The following CENATAC variants were observed in gnomAD, a reference collection of about 807,000 sequenced individuals.
The protein encoded by CENATAC is coiled-coil domain containing 84.
Under a neutral mutation model 53.7 loss-of-function variants are expected in CENATAC, and 53 were observed. The ratio of observed to expected loss-of-function variants is 0.99; its 90% confidence interval spans 0.79 to 1.24. The LOEUF (loss-of-function observed/expected upper bound fraction) is 1.24, where lower values mean the gene tolerates loss of function less well. Ranked by LOEUF, CENATAC falls within the 50% of genes most tolerant of loss-of-function variation. CENATAC has a pLI of 0.00. For missense variants in CENATAC, 474 were observed against 417.8 expected, an observed-to-expected ratio of 1.13 and a Z score of -1.17; for synonymous variants, 156 against 144.6, an observed-to-expected ratio of 1.08 and a Z score of -0.57.
intron 8 of CENATAC, among the ~76,000 whole-genome samples, chr11:119,013,789 G>A (rs1592080430): frequency 6.6e-6 from 1 of 151,266 alleles, no homozygotes; most frequent in East Asian, 1.9e-4. Flanking sequence ...AATAAAGTTG[G>A]CCAAGATAAA....
rs140256077 is a variant in CENATAC, at chr11:119,008,451, T to C, written c.384-2313T>C. On this transcript the variant is annotated intron_variant, in intron 3 of 10. Coordinates refer to ENST00000334418, the MANE Select transcript of CENATAC (RefSeq NM_198489.3). ...CACGTAGGCCAGACTTATGTTTCTC[T>C]CCACCCAAACATCTCAGTGGAGTAA... Among the ~76,000 whole-genome samples the C allele has an allele frequency of 8.9e-3, 1,362 of 152,316 alleles. 23 individuals carry two copies. Among genetic ancestry groups the C allele is most frequent in the African/African-American group, 0.031 (1,280 of 41,564 alleles).
chr11:119,009,520 AGT>A (rs1942769475), intron 3 of CENATAC: 1 of 152,126 alleles, frequency 6.6e-6, no homozygotes, highest in Non-Finnish European at 1.5e-5. Flanking sequence ...AGAACCTGGG[AGT>A]TGATGAGAAA....
At chr11:119,010,543 ATTTTG>A (rs1942818976) in intron 3 of CENATAC, 3 of 535,592 alleles carry the variant, frequency 5.6e-6, no homozygotes, top group South Asian at 3.1e-5. Flanking sequence ...GTCTAAACCT[ATTTTG>A]TTTTGGCAAA....
chr11:119,014,931 G>C (rs1347481231), intron 8 of CENATAC, 63 bp from the exon 9 acceptor site: 14 of 1,098,432 alleles, frequency 1.3e-5, no homozygotes, highest in Non-Finnish European at 1.7e-5. Context: ...TAACAGCTAG[G>C]ACATGTTTCA....
chr11:119,015,720 A>C lies in CENATAC; in HGVS notation c.*122A>C. ...ACAGACATACTCATTCATTTGATTT[A>C]ATAAAGTTTTATTTTTCCAAATGTA... On this transcript the variant is annotated 3_prime_UTR_variant, in exon 11 of 11. Coordinates refer to ENST00000334418, the MANE Select transcript of CENATAC (RefSeq NM_198489.3). The C allele has an allele frequency of 7.7e-7, 1 of 1,298,672 alleles. No individual in the cohort carries two copies. Among genetic ancestry groups the C allele is most frequent in the South Asian group, 1.3e-5 (1 of 78,738 alleles). 80.4% of individuals were successfully genotyped at this position (1,298,672 alleles called of 1,614,324 possible).
intron 7 of CENATAC, 133 bp downstream of exon 7, chr11:119,012,387 T>A: frequency 1.0e-6 from 1 of 966,270 alleles, no homozygotes; most frequent in Non-Finnish European, 1.5e-6. Context: ...CACTGTTCCC[T>A]AGTAGTGTTC....
intron 9 of CENATAC, 40 bp from the exon 10 acceptor site, chr11:119,015,267 T>C: frequency 1.3e-6 from 2 of 1,569,092 alleles, no homozygotes; most frequent in South Asian, 1.2e-5. Context: ...CTCTATATTC[T>C]TCAATAAAGA....
intron 2 of CENATAC, among the ~76,000 whole-genome samples, 180 bp from the exon 3 acceptor site, chr11:118,998,831 T>G (rs1212490693): frequency 1.3e-5 from 2 of 152,096 alleles, no homozygotes; most frequent in Non-Finnish European, 2.9e-5. Flanking sequence ...TCCCCTCAGA[T>G]TCTCACAATT....
intron 8 of CENATAC, chr11:119,014,516 CG>C (rs1369427139): frequency 1.3e-5 from 2 of 152,182 alleles, no homozygotes; most frequent in African/African-American, 4.8e-5. Flanking sequence ...ACCTGGGAGG[CG>C]GAGGTTGCAG....
intron 5 of CENATAC, 116 bp from the exon 6 acceptor site, chr11:119,011,823 C>G (rs2134566005): frequency 4.7e-6 from 4 of 846,408 alleles, no homozygotes; most frequent in South Asian, 4.4e-5. Flanking sequence ...TGGGCAGTAC[C>G]TTCCATATGC....
Position 119,015,095 on chromosome 11 carries a change from AATTC to A in CENATAC, c.805+14_805+17del, listed in dbSNP as rs782509200. On this transcript the variant is annotated intron_variant, in intron 9 of 10. Transcript: ENST00000334418. ...ATTTCTTAAAGAAAGTAAGTAAACT[AATTC>A]AAGAGAGGATCGTCTAAATCTTCAC... The A allele has an allele frequency of 2.5e-6, 4 of 1,582,522 alleles. No individual in the cohort carries two copies. The highest frequency in any genetic ancestry group is 1.7e-4 in the Middle Eastern group (1 of 5,958).
At position 118,998,451 on chromosome 11, in the gene CENATAC, A is replaced by C; in HGVS notation, c.142A>C (p.Ile48Leu). The change falls in exon 2 of 11, where the codon ATC becomes CTC. Residue 48 changes from isoleucine to leucine, a missense_variant. Coordinates refer to ENST00000334418, the MANE Select transcript of CENATAC (RefSeq NM_198489.3). ...GCAGGTGGAGGCGGCCCGCAAGGCC[A>C]TCCGCGCCGCTCAGGTGGAGCGCTA... ...LPQVEAARKA[I>L]RAAQVERYVP... The C allele has an allele frequency of 6.2e-7, 1 of 1,612,602 alleles. No individual in the cohort carries two copies. The highest frequency in any genetic ancestry group is 8.5e-7 in the Non-Finnish European group (1 of 1,179,818).
intron 2 of CENATAC, 36 bp from the exon 3 acceptor site, chr11:118,998,975 T>A: frequency 6.9e-7 from 1 of 1,459,428 alleles, no homozygotes; most frequent in Non-Finnish European, 9.6e-7. Flanking sequence ...TATTTTATAA[T>A]CTATAGCTGA....
chr11:119,005,073 GA>G (rs11403557), intron 3 of CENATAC, among the ~76,000 whole-genome samples: 1 of 149,554 alleles, frequency 6.7e-6, no homozygotes, highest in African/African-American at 2.5e-5. Context: ...AAAACAGCAA[GA>G]AAAAAAAAGC....
rs188845373 is a variant in CENATAC at position 119,002,170 on chromosome 11, G to A, written c.383+3061G>A. Among the ~76,000 whole-genome samples, 115 of 139,062 alleles carry A rather than the reference G, an allele frequency of 8.3e-4. 1 individual carries two copies. The highest frequency in any genetic ancestry group is 2.8e-3 in the African/African-American group (103 of 36,928). The allele number at this position is 139,062 out of a possible 152,430, so 91.2% of individuals were successfully genotyped here. A position where few individuals can be genotyped will look rare whatever the true frequency, so the allele number is the denominator to read the frequency against. On this transcript the variant is annotated intron_variant, in intron 3 of 10. Coordinates refer to ENST00000334418, the MANE Select transcript of CENATAC (RefSeq NM_198489.3). ...GCCCAGGAGGCAGAGATTGTACTGAGCCAAGATCATGCCATTGCACTGCAG... is the reference window on the plus strand; with the variant it reads ...GCCCAGGAGGCAGAGATTGTACTGAACCAAGATCATGCCATTGCACTGCAG...
At chr11:119,001,601 C>A (rs1212989823) in intron 3 of CENATAC, 7 of 453,044 alleles carry the variant, frequency 1.5e-5, no homozygotes, top group Non-Finnish European at 2.7e-5. Flanking sequence ...TTAATTTTTT[C>A]CATATTTCTA....
intron 3 of CENATAC, among the ~76,000 whole-genome samples, chr11:119,008,145 C>T (rs1017492493): frequency 2.0e-5 from 3 of 151,438 alleles, no homozygotes; most frequent in African/African-American, 4.8e-5. Context: ...TATTTCTAGT[C>T]GGGTGGGATG....
At chr11:119,014,553 G>A (rs1312627364) in intron 8 of CENATAC, 1 of 152,784 alleles carries the variant, frequency 6.5e-6, no homozygotes, top group Non-Finnish European at 1.5e-5. Flanking sequence ...TCCAGCCTGG[G>A]CTAGAGCGAG....
chr11:118,998,233 GACCT>G lies in CENATAC; in HGVS notation c.37_40del (p.Thr13SerfsTer17), dbSNP rs782601660. On this transcript the variant is annotated frameshift_variant, in exon 1 of 11. Coordinates refer to ENST00000334418, the MANE Select transcript of CENATAC (RefSeq NM_198489.3). LOFTEE classifies it high-confidence loss of function. ...CGCAGCGCTGCCCTCTGTGCCGCCA[GACCT>G]TCTTCTGTGGTCGCGGGCACGTTTA... The G allele has an allele frequency of 2.5e-6, 4 of 1,586,258 alleles. No homozygotes were observed. Among genetic ancestry groups the G allele is most frequent in the African/African-American group, 1.3e-5 (1 of 74,368 alleles).
Sources: allele counts gnomAD v4.1 joint callset (sites outside exome capture counted in the v4.1 genomes callset), GRCh38; gene constraint gnomAD v4.1.1; transcripts MANE v1.5; gene names NCBI Gene and HGNC (gene_info 2026-07-23, HGNC 2026-07-21).